Variants in PGC observed in about 807,000 individuals in gnomAD.
The protein encoded by PGC is progastricsin, also known as gastricsin.
A neutral mutation model predicts 45.9 loss-of-function variants in PGC; 31 were observed. The ratio of observed to expected loss-of-function variants is 0.67; its 90% CI spans 0.51 to 0.91. The LOEUF is 0.91. Among genes scored for constraint, PGC ranks in the 40% least tolerant of loss-of-function variants. The probability of loss-of-function intolerance (pLI) is 0.00; values close to 1 mark genes in which losing one functional copy is unlikely to be tolerated. For synonymous variants in PGC, 192 were observed against 201.8 expected (o/e 0.95, Z 0.41); for missense variants, 477 against 493.2 (o/e 0.97, Z 0.31).
At position 41,737,807 on chromosome 6, in the gene PGC, T is replaced by C. The variant is rs776649957; in HGVS notation, c.937A>G (p.Ile313Val). 2.5e-6 allele frequency: 4 copies of C among 1,611,528 alleles called. No individual in the cohort carries two copies. The East Asian group carries it at 6.7e-5, about 27-fold the overall frequency. Reference protein sequence around the residue: ...YGQFLVNCNSIQNLPSLTFII... With the variant: ...YGQFLVNCNSVQNLPSLTFII... The stretch of plus-strand genomic sequence containing the variant: ...AAGGTCAAGCTGGGCAGATTCTGAA[T>C]GCTGTTACAGTTCACGAGAAACTGC... The change falls in exon 8 of 9, where the codon ATT becomes GTT. Residue 313 changes from isoleucine to valine, a missense_variant. Physicochemically the swap from Ile to Val is conservative, Grantham distance 29. Transcript: ENST00000373025.
intron 7 of PGC, 57 bp from the exon 8 acceptor site, chr6:41,737,885 C>T (rs1010230758): frequency 9.8e-7 from 1 of 1,016,798 alleles, no homozygotes; most frequent in Non-Finnish European, 1.6e-6. Context: ...CACCCACCAG[C>T]CCCATCATCT....
Position 41,736,893 on chromosome 6 carries a change from C to G in PGC, c.1126G>C (p.Asp376His), listed in dbSNP as rs755804316. The change falls in exon 9 of 9, where the codon GAC (aspartate) becomes CAC (histidine). Residue 376 changes from aspartate to histidine, a missense_variant. Transcript: ENST00000373025. Reference protein sequence around the residue: ...VFLRSYYSVYDLGNNRVGFAT... With the variant: ...VFLRSYYSVYHLGNNRVGFAT... ...AAGCCTACTCTGTTGTTGCCCAAGT[C>G]GTAGACGGAATAGTAGGACCTGAGG... is the stretch of plus-strand genomic sequence containing the variant. 1 of 1,614,096 alleles carries G rather than the reference C, an allele frequency of 6.2e-7. No homozygotes were observed. Among genetic ancestry groups the G allele is most frequent in the South Asian group, 1.1e-5 (1 of 91,072 alleles).
chr6:41,745,016 C>CGCGT (rs1771906196), intron 1 of PGC, among the ~76,000 whole-genome samples: 1 of 97,436 alleles, frequency 1.0e-5, no homozygotes, highest in Admixed American at 1.0e-4. Flanking sequence ...TGTGTGTGTG[C>CGCGT]GCGCGCGCGT....
At position 41,741,070 on chromosome 6, in the gene PGC, CT is replaced by C. The variant is rs1198437158; in HGVS notation, c.648-461del. On this transcript the variant is annotated intron_variant, in intron 5 of 8. Coordinates refer to ENST00000373025, the MANE Select transcript of PGC (RefSeq NM_002630.4). ...CTCCTCTCCCCTCCGCTTCCTGCCT[CT>C]GGTAGACATGTCACCGGGATCCCCA... The C allele has an allele frequency of 2.0e-6, 3 of 1,537,088 alleles. No individual in the cohort carries two copies. In the Admixed American group the frequency reaches 5.9e-5, roughly 30 times the overall value.
chr6:41,744,687 C>A lies in PGC; in HGVS notation c.181G>T (p.Val61Leu). 6.2e-7 allele frequency: 1 copy of A among 1,614,158 alleles called. No individual in the cohort carries two copies. The highest frequency in any genetic ancestry group is 1.1e-5 in the South Asian group (1 of 91,084). Residue 61 changes from valine to leucine, a missense_variant, in exon 2 of 9, where the codon GTG becomes TTG. Coordinates refer to ENST00000373025, the MANE Select transcript of PGC (RefSeq NM_002630.4). The surrounding 1 kb of genome is among the most constrained non-coding windows in gnomAD (Gnocchi z 4.4). ...AWKYRFGDLS[V>L]TYEPMAYMDA... ...ATGTAGGCCATGGGCTCGTAGGTCA[C>A]GCTGAGGTCACCAAAGCGGTACTTC...
chr6:41,745,021 G>A (rs545641956), intron 1 of PGC, among the ~76,000 whole-genome samples: 61 of 151,852 alleles, frequency 4.0e-4, no homozygotes, highest in African/African-American at 1.4e-3. Context: ...GTGTGCGCGC[G>A]CGCGTGTTTC....
intron 1 of PGC, among the ~76,000 whole-genome samples, chr6:41,746,173 A>AAG (rs1554139219): frequency 6.6e-6 from 1 of 151,760 alleles, no homozygotes; most frequent in Non-Finnish European, 1.5e-5. Flanking sequence ...AAAAAAAAAA[A>AAG]CAAAGAAGAT....
intron 5 of PGC, chr6:41,741,896 G>A: frequency 7.4e-7 from 1 of 1,350,666 alleles, no homozygotes; most frequent in Non-Finnish European, 1.0e-6. Context: ...GCAAAAGAGG[G>A]ATACAGGTAG....
intron 1 of PGC, among the ~76,000 whole-genome samples, chr6:41,745,129 C>T (rs192862786): frequency 6.6e-6 from 1 of 152,120 alleles, no homozygotes; most frequent in East Asian, 1.9e-4. Context: ...ATGCACTCCT[C>T]ACCTCATCTC....
At chr6:41,746,783 C>G (rs1323207949) in intron 1 of PGC, among the ~76,000 whole-genome samples, 1 of 152,222 alleles carries the variant, frequency 6.6e-6, no homozygotes, top group East Asian at 1.9e-4. Flanking sequence ...GGCCTGTGAG[C>G]CATGCCATCT....
chr6:41,740,568 C>T lies in PGC; in HGVS notation c.690G>A (p.Val230=). ...SSGGAVVFGG[V]DSSLYTGQIY... ...TCTGCCCCGTGTACAGGCTGCTATCCACACCCCCAAAGACAACCGCTCCCC... is the reference window on the plus strand; with the variant it reads ...TCTGCCCCGTGTACAGGCTGCTATCTACACCCCCAAAGACAACCGCTCCCC... Residue 230 remains valine (V), a synonymous_variant, in exon 6 of 9, where the codon GTG becomes GTA. Coordinates refer to ENST00000373025, the MANE Select transcript of PGC (RefSeq NM_002630.4). The T allele has an allele frequency of 6.2e-7, 1 of 1,608,216 alleles. No individual in the cohort carries two copies. Among genetic ancestry groups the T allele is most frequent in the Non-Finnish European group, 8.5e-7 (1 of 1,177,272 alleles).
At position 41,740,982 on chromosome 6, in the gene PGC, C is replaced by T. The variant is rs146449990; in HGVS notation, c.648-372G>A. ...CTTGGAATTCCCAGCGCCTCAGGCT[C>T]CCGAATGATGCTGACTTCTGGGGGG... On this transcript the variant is annotated intron_variant, in intron 5 of 8. Coordinates refer to ENST00000373025, the MANE Select transcript of PGC (RefSeq NM_002630.4). 105 of 1,525,734 alleles carry T rather than the reference C, an allele frequency of 6.9e-5. No homozygotes were observed. The African/African-American group carries it at 1.3e-3, about 18-fold the overall frequency. The allele number at this position is 1,525,734 out of a possible 1,614,324, so 94.5% of individuals were successfully genotyped here. A position where few individuals can be genotyped will look rare whatever the true frequency, so the allele number is the denominator to read the frequency against.
chr6:41,745,554 T>G lies in PGC; in HGVS notation c.60-746A>C, dbSNP rs576888507. On this transcript the variant is annotated intron_variant, in intron 1 of 8. Coordinates refer to ENST00000373025, the MANE Select transcript of PGC (RefSeq NM_002630.4). The stretch of plus-strand genomic sequence containing the variant: ...CACCTGGCCCAGGATATGTAGTTTT[T>G]TTTTTTTTTTTTGAGACAGAGTTTC... Among the ~76,000 whole-genome samples the G allele has an allele frequency of 1.0e-4, 15 of 150,136 alleles. No homozygotes were observed. In the East Asian group the frequency reaches 1.6e-3, roughly 16 times the overall value.
intron 8 of PGC, 57 bp downstream of exon 8, chr6:41,737,673 C>T (rs1405911952): frequency 4.7e-6 from 5 of 1,062,400 alleles, no homozygotes; most frequent in South Asian, 3.8e-5. Flanking sequence ...TCTGGCTCCC[C>T]AGCCCTTCCT....
At chr6:41,741,040 C>CT (rs1382583402) in intron 5 of PGC, 7 of 1,537,106 alleles carry the variant, frequency 4.6e-6, no homozygotes, top group Non-Finnish European at 6.1e-6. Context: ...AGCCCACACT[C>CT]TGCTCTCCTC....
chr6:41,746,761 C>T (rs935534027), intron 1 of PGC, among the ~76,000 whole-genome samples: 7 of 152,328 alleles, frequency 4.6e-5, no homozygotes, highest in South Asian at 4.1e-4. Context: ...GCAGGCTGGG[C>T]GCCTTCCTGA....
chr6:41,741,773 T>C (rs1302653234), intron 5 of PGC: 9 of 1,525,094 alleles, frequency 5.9e-6, no homozygotes, highest in African/African-American at 2.7e-5. Flanking sequence ...CACATGCTTG[T>C]GTTGACTGGC....
intron 8 of PGC, among the ~76,000 whole-genome samples, chr6:41,737,305 T>C (rs911005262): frequency 2.6e-5 from 4 of 152,224 alleles, no homozygotes; most frequent in African/African-American, 9.6e-5. Context: ...TGGTTAAACC[T>C]TGGAGCCAAA....
chr6:41,738,891 T>C (rs77943040), intron 7 of PGC, among the ~76,000 whole-genome samples: 4,916 of 150,888 alleles, frequency 0.033, 106 homozygotes, highest in Non-Finnish European at 0.045. Flanking sequence ...CCCAGGAAAG[T>C]GGAGGTTGCA....
Sources: gnomAD v4.1 joint callset for allele counts (sites outside exome capture counted in the v4.1 genomes callset) on GRCh38, gnomAD v4.1.1 for gene constraint, Gnocchi (gnomAD v3.1) non-coding constraint, MANE v1.5 for transcripts, NCBI Gene and HGNC (gene_info 2026-07-23, HGNC 2026-07-21) for gene names.